MTMR10: variants seen among roughly 807,000 people sequenced by gnomAD.
MTMR10 encodes the protein myotubularin related protein 10, also known as myotubularin-related protein 10.
In MTMR10, 56 loss-of-function variants were observed where a neutral mutation model predicts 88.1. That is an observed-to-expected ratio of 0.64 (90% confidence interval 0.51 to 0.79). The LOEUF (loss-of-function observed/expected upper bound fraction) is 0.79. Among genes scored for constraint, MTMR10 ranks in the 30% least tolerant of loss-of-function variants. The pLI is 0.00. For synonymous variants in MTMR10, 380 were observed against 340.9 expected (o/e 1.11, Z -1.26); for missense variants, 883 against 924.7 (o/e 0.95, Z 0.58).
intron 5 of MTMR10, among the ~76,000 whole-genome samples, chr15:30,971,311 A>C (rs909442127): frequency 6.6e-6 from 1 of 152,180 alleles, no homozygotes. Context: ...CAAAGCTGAT[A>C]ATCTTCTCTG....
chr15:30,936,361 TG>T (rs1393348089), downstream of MTMR10, among the ~76,000 whole-genome samples: 1 of 151,992 alleles, frequency 6.6e-6, no homozygotes, highest in African/African-American at 2.4e-5. Flanking sequence ...AAGTAGCAAG[TG>T]GAAGTGAGGG....
chr15:30,928,553 G>A, the MTMR10 span: 3 of 1,498,146 alleles, frequency 2.0e-6, no homozygotes, highest in Non-Finnish European at 2.7e-6. Context: ...CTTGTCTTAG[G>A]GATTCATGGC....
intron 2 of MTMR10, among the ~76,000 whole-genome samples, chr15:30,977,930 T>C (rs185044617): frequency 2.0e-5 from 3 of 152,348 alleles, no homozygotes; most frequent in Admixed American, 6.5e-5. Flanking sequence ...TAAAATCTGC[T>C]CATGTCAAAT....
chr15:30,942,697 G>A (rs755539483), intron 15 of MTMR10, 193 bp downstream of exon 15: 29 of 570,924 alleles, frequency 5.1e-5, no homozygotes, highest in Non-Finnish European at 6.8e-5. Context: ...CAGGTACTGA[G>A]ACTTTGTGGG....
chr15:30,928,597 C>T, the MTMR10 span: 1 of 1,613,172 alleles, frequency 6.2e-7, no homozygotes, highest in Non-Finnish European at 8.5e-7. Flanking sequence ...GTATGGCCTC[C>T]TCCTGTGGGA....
chr15:30,975,331 G>A (rs1224864751), intron 3 of MTMR10, among the ~76,000 whole-genome samples: 2 of 152,148 alleles, frequency 1.3e-5, no homozygotes, highest in Non-Finnish European at 2.9e-5. Context: ...GTAAAATCAT[G>A]TTTGATTTTC....
At chr15:30,922,484 T>C in the MTMR10 span, 1 of 982,712 alleles carries the variant, frequency 1.0e-6, no homozygotes, top group South Asian at 1.7e-5. Flanking sequence ...ATTCTTCTTT[T>C]GTCTGTGTTC....
At chr15:30,971,537 C>T (rs1000549943) in intron 5 of MTMR10, among the ~76,000 whole-genome samples, 2 of 152,142 alleles carry the variant, frequency 1.3e-5, no homozygotes, top group African/African-American at 2.4e-5. Context: ...CAACTTGTTC[C>T]TTAATCAGAT....
At chr15:30,938,680 T>C (rs2062937890), downstream of MTMR10, among the ~76,000 whole-genome samples, 1 of 152,190 alleles carries the variant, frequency 6.6e-6, no homozygotes, top group Admixed American at 6.5e-5. Flanking sequence ...TGAAGCCTTC[T>C]TGGGGGAATA....
the MTMR10 span, chr15:30,929,521 T>A: frequency 2.4e-6 from 1 of 414,636 alleles, no homozygotes; most frequent in Non-Finnish European, 4.2e-6. Context: ...TGTGTGCATA[T>A]ATATGATATA....
At chr15:30,963,627 A>T (rs969124906) in intron 6 of MTMR10, among the ~76,000 whole-genome samples, 4 of 152,202 alleles carry the variant, frequency 2.6e-5, no homozygotes, top group Non-Finnish European at 5.9e-5. Context: ...ACACAGCGAG[A>T]CTCTGTCTCA....
At chr15:30,989,088 A>C (rs955426125) in intron 2 of MTMR10, among the ~76,000 whole-genome samples, 8 of 152,170 alleles carry the variant, frequency 5.3e-5, no homozygotes, top group African/African-American at 1.9e-4. Flanking sequence ...GTGAAATCAT[A>C]GTATGCAGAG....
At position 30,940,890 on chromosome 15, in the gene MTMR10, C is replaced by T; in HGVS notation, c.*580G>A. On this transcript the variant is annotated 3_prime_UTR_variant, in exon 16 of 16. Transcript: ENST00000435680. ...CAGTGCATATCATTTTAAAGTTGAC[C>T]CTATGAAGTTAAAAGCAAACTCATG... is the stretch of plus-strand genomic sequence containing the variant. 9.8e-7 allele frequency: 1 copy of T among 1,019,684 alleles called. No individual in the cohort carries two copies. The highest frequency in any genetic ancestry group is 3.7e-5 in the South Asian group (1 of 26,674). The allele number at this position is 1,019,684 out of a possible 1,614,324, so 63.2% of individuals were successfully genotyped here.
chr15:30,929,606 T>C, the MTMR10 span, among the ~76,000 whole-genome samples: 6 of 123,680 alleles, frequency 4.9e-5, no homozygotes, highest in Non-Finnish European at 9.8e-5. Context: ...TATTACATAT[T>C]ACATATATAA....
the MTMR10 span, among the ~76,000 whole-genome samples, chr15:30,929,695 A>C: frequency 9.9e-6 from 1 of 101,100 alleles, no homozygotes; most frequent in Non-Finnish European, 1.9e-5. Context: ...TATATATAAA[A>C]TATATATTAT....
chr15:30,927,802 G>C, the MTMR10 span: 2 of 985,792 alleles, frequency 2.0e-6, no homozygotes, highest in Non-Finnish European at 2.4e-6. Context: ...GCTGGGGCTT[G>C]CTCAGGGACA....
chr15:30,990,739 T>C (rs1455264183), intron 2 of MTMR10, 38 bp downstream of exon 2: 3 of 1,560,770 alleles, frequency 1.9e-6, no homozygotes, highest in Admixed American at 3.6e-5. Context: ...CCAAAATACG[T>C]TGCTAAAGTA....
the MTMR10 span, chr15:30,922,311 G>T: frequency 6.2e-7 from 1 of 1,613,936 alleles, no homozygotes; most frequent in South Asian, 1.1e-5. Context: ...TGGTGGGATC[G>T]ACTGGCCCTT....
chr15:30,958,136 G>A (rs1566954019), intron 9 of MTMR10, among the ~76,000 whole-genome samples: 1 of 152,192 alleles, frequency 6.6e-6, no homozygotes, highest in Non-Finnish European at 1.5e-5. Flanking sequence ...TAGAAGTCAA[G>A]GTAGACTGAA....
Sources: gnomAD v4.1 joint callset for allele counts (sites outside exome capture counted in the v4.1 genomes callset) on GRCh38, gnomAD v4.1.1 for gene constraint, MANE v1.5 for transcripts, NCBI Gene and HGNC (gene_info 2026-07-23, HGNC 2026-07-21) for gene names.